The following CAPG variants were observed in gnomAD, a reference collection of about 807,000 sequenced individuals.
The protein encoded by CAPG is macrophage-capping protein.
Under a neutral mutation model 44.6 loss-of-function variants are expected in CAPG, and 32 were observed. That is an observed-to-expected ratio of 0.72 (90% CI 0.54 to 0.96). The LOEUF (loss-of-function observed/expected upper bound fraction) is 0.96. Among genes scored for constraint, CAPG ranks in the 50% least tolerant of loss-of-function variants. The pLI is 0.00. For synonymous variants in CAPG, 175 were observed against 179.6 expected (o/e 0.97, Z 0.20); for missense variants, 412 against 438.3 (o/e 0.94, Z 0.54).
At chr2:85,400,205 C>T (rs1284367493) in intron 5 of CAPG, among the ~76,000 whole-genome samples, 1 of 152,168 alleles carries the variant, frequency 6.6e-6, no homozygotes, top group Non-Finnish European at 1.5e-5. Context: ...TGGATTTAGG[C>T]GCAAAATAAA....
downstream of CAPG, among the ~76,000 whole-genome samples, chr2:85,394,111 CT>C (rs1686482242): frequency 6.6e-6 from 1 of 152,246 alleles, no homozygotes; most frequent in Non-Finnish European, 1.5e-5. Flanking sequence ...CAGATGGGAC[CT>C]CTTCTTGGCT....
At chr2:85,418,738 T>TCCGGACGCG (rs1687641685), upstream of CAPG, 3 of 152,316 alleles carry the variant, frequency 2.0e-5, no homozygotes, top group African/African-American at 7.2e-5. Context: ...TGGGTGCTGA[T>TCCGGACGCG]CCGGACGCAA....
Position 85,398,791 on chromosome 2 carries a change from G to A in CAPG, c.667-9C>T, listed in dbSNP as rs184331820. On this transcript the variant is annotated splice_polypyrimidine_tract_variant and intron_variant, in intron 6 of 9. Coordinates refer to ENST00000263867, the MANE Select transcript of CAPG (RefSeq NM_001747.4). ...GGCTTGGGGCCCAGGACCTGCAGGG[G>A]CCAGGGCAGGCCAGGTTTATAGGGA... The A allele has an allele frequency of 7.0e-4, 1,112 of 1,578,330 alleles. 11 individuals carry two copies. The African/African-American group carries it at 0.013, about 19-fold the overall frequency.
At chr2:85,393,387 T>C (rs946611266), downstream of CAPG, among the ~76,000 whole-genome samples, 1 of 152,088 alleles carries the variant, frequency 6.6e-6, no homozygotes, top group Non-Finnish European at 1.5e-5. Flanking sequence ...AGGCCTTTCA[T>C]AGGAGACTTA....
At chr2:85,417,493 T>G (rs1171705380) in intron 1 of CAPG, among the ~76,000 whole-genome samples, 1 of 148,252 alleles carries the variant, frequency 6.7e-6, no homozygotes, top group African/African-American at 2.5e-5. Flanking sequence ...TTTTTTTTTT[T>G]TTTTTTTGAG....
chr2:85,398,660 C>G, intron 7 of CAPG, 30 bp downstream of exon 7: 3 of 1,554,732 alleles, frequency 1.9e-6, no homozygotes, highest in Non-Finnish European at 2.6e-6. Context: ...TCCCTGCTGC[C>G]GGGTCCCAGG....
At chr2:85,399,322 T>G (rs201106126) in intron 5 of CAPG, 37 bp from the exon 6 acceptor site, 1 of 1,608,746 alleles carries the variant, frequency 6.2e-7, no homozygotes, top group Admixed American at 1.7e-5. Flanking sequence ...CAGAGCCAGA[T>G]GCCTGTGTCC....
rs1686504766 is a variant in CAPG, at chr2:85,394,810, CCTCT to C, written c.*79_*82del. ...CTTTATTGAACATCTGCAGGGGGCA[CCTCT>C]GCACTGACCAGGCAGCCAGAGAAGC... is the stretch of plus-strand genomic sequence containing the variant. On this transcript the variant is annotated 3_prime_UTR_variant, in exon 10 of 10. Transcript: ENST00000263867. 1 of 962,312 alleles carries C rather than the reference CCTCT, an allele frequency of 1.0e-6. No homozygotes were observed. The highest frequency in any genetic ancestry group is 1.7e-5 in the Admixed American group (1 of 58,850). The allele number at this position is 962,312 out of a possible 1,614,324, so 59.6% of individuals were successfully genotyped here.
rs760884917 is a variant in CAPG at position 85,399,213 on chromosome 2, T to TGGCCAG, written c.583_588dup (p.Leu195_Ala196dup). ...TTGCCCTGTCGCTCACTGTCCCGGA[T>TGGCCAG]GGCCAGGGCCAGGTCCCTCGCCTTG... On this transcript the variant is annotated inframe_insertion, in exon 6 of 10. Coordinates refer to ENST00000263867, the MANE Select transcript of CAPG (RefSeq NM_001747.4). The TGGCCAG allele has an allele frequency of 3.1e-6, 5 of 1,614,224 alleles. No individual in the cohort carries two copies. The South Asian group carries it at 4.4e-5, about 14-fold the overall frequency.
At chr2:85,393,866 G>C (rs1410586884), downstream of CAPG, among the ~76,000 whole-genome samples, 1 of 152,130 alleles carries the variant, frequency 6.6e-6, no homozygotes, top group Non-Finnish European at 1.5e-5. Context: ...ACCCGGCTGG[G>C]GTATCTATGG....
intron 1 of CAPG, 131 bp from the exon 2 acceptor site, chr2:85,402,289 G>C: frequency 1.5e-6 from 1 of 688,992 alleles, no homozygotes; most frequent in Non-Finnish European, 2.6e-6. Flanking sequence ...AGGAGCCCTA[G>C]TTCCATTATG....
At chr2:85,398,836 C>A in intron 6 of CAPG, 54 bp from the exon 7 acceptor site, 1 of 1,372,670 alleles carries the variant, frequency 7.3e-7, no homozygotes, top group South Asian at 1.3e-5. Context: ...TGGAACTTCC[C>A]AGCCCATCAT....
intron 6 of CAPG, 142 bp downstream of exon 6, chr2:85,398,994 G>A (rs1686745232): frequency 2.0e-6 from 2 of 1,003,846 alleles, no homozygotes. Context: ...GGGGCACCCT[G>A]TGAGCTGGCC....
intron 1 of CAPG, among the ~76,000 whole-genome samples, chr2:85,408,294 A>G (rs927236178): frequency 2.7e-5 from 4 of 150,800 alleles, no homozygotes; most frequent in African/African-American, 9.8e-5. Flanking sequence ...GTGAGCCGAG[A>G]TGGCACTACT....
chr2:85,400,243 T>C (rs1490448579), intron 5 of CAPG, among the ~76,000 whole-genome samples: 1 of 152,226 alleles, frequency 6.6e-6, no homozygotes, highest in East Asian at 1.9e-4. Flanking sequence ...AAGGACTGGA[T>C]GGGTGAATGG....
In CAPG at chr2:85,399,252, T is replaced by C; in HGVS notation, c.550A>G (p.Ile184Val). The C allele has an allele frequency of 6.2e-7, 1 of 1,614,152 alleles. No individual in the cohort carries two copies. Among genetic ancestry groups the C allele is most frequent in the Non-Finnish European group, 8.5e-7 (1 of 1,180,018 alleles). Residue 184 changes from isoleucine to valine, a missense_variant, in exon 6 of 10, where the codon ATC becomes GTC. Physicochemically the swap from Ile to Val is conservative, Grantham distance 29. Transcript: ENST00000263867. ...TCCCTCGCCTTGTTGCGTTCCAGGA[T>C]GTTGGACTTTCCACCACACCAGGCG... Reference protein sequence around the residue: ...IFAWCGGKSNILERNKARDLA... With the variant: ...IFAWCGGKSNVLERNKARDLA...
Position 85,401,544 on chromosome 2 carries a change from C to A in CAPG, c.336G>T (p.Arg112=), listed in dbSNP as rs1469574220. 1.2e-6 allele frequency: 2 copies of A among 1,614,130 alleles called. No homozygotes were observed. Among genetic ancestry groups the A allele is most frequent in the Non-Finnish European group, 1.7e-6 (2 of 1,180,012 alleles). Residue 112 remains arginine (R), a synonymous_variant, in exon 4 of 10, where the codon CGG becomes CGT. Coordinates refer to ENST00000263867, the MANE Select transcript of CAPG (RefSeq NM_001747.4). Reference sequence around the variant, plus strand: ...GGGCTCTGACCTGGTACTTGAGGCCCCGTGGGAAGTAGCTCATGAAGAGGT... The same window carrying A: ...GGGCTCTGACCTGGTACTTGAGGCCACGTGGGAAGTAGCTCATGAAGAGGT... The part of the protein sequence containing the change: ...ESDLFMSYFP[R]GLKYQEGGVE...
chr2:85,407,811 G>T lies in CAPG; in HGVS notation c.-14+2506C>A, dbSNP rs186644695. ...GACTCATTAAAACCAGACTCTCTAGGTGGAGCCTGGATGTCAGTGTTTGAG... is the reference window on the plus strand; with the variant it reads ...GACTCATTAAAACCAGACTCTCTAGTTGGAGCCTGGATGTCAGTGTTTGAG... On this transcript the variant is annotated intron_variant, in intron 1 of 9. Transcript: ENST00000263867. Among the ~76,000 whole-genome samples, 77 of 152,122 alleles carry T rather than the reference G, an allele frequency of 5.1e-4. No homozygotes were observed. In the East Asian group the frequency reaches 8.9e-3, roughly 18 times the overall value.
At chr2:85,413,503 C>T (rs1687476845), upstream of CAPG, among the ~76,000 whole-genome samples, 3 of 152,284 alleles carry the variant, frequency 2.0e-5, no homozygotes, top group South Asian at 6.2e-4. Flanking sequence ...TCGCTTGAAC[C>T]CGGGAGGCGG....
Sources: gnomAD v4.1 joint callset for allele counts (sites outside exome capture counted in the v4.1 genomes callset) on GRCh38, gnomAD v4.1.1 for gene constraint, MANE v1.5 for transcripts, NCBI Gene and HGNC (gene_info 2026-07-23, HGNC 2026-07-21) for gene names.